RINT1: variants seen among roughly 807,000 people sequenced by gnomAD.
The protein encoded by RINT1 is RAD50 interactor 1.
RINT1 carries 75 observed loss-of-function variants against 97.7 expected under a neutral mutation model. The observed-to-expected ratio is 0.77, with a 90% confidence interval of 0.64 to 0.93. The LOEUF (loss-of-function observed/expected upper bound fraction) is 0.93. Ranked by LOEUF, RINT1 falls within the 40% of genes least tolerant of loss-of-function variation. The pLI is 0.00. For synonymous variants in RINT1, 303 were observed against 326.3 expected (o/e 0.93, Z 0.77); for missense variants, 892 against 925.2 (o/e 0.96, Z 0.47).
chr7:105,547,215 TG>T lies in RINT1; in HGVS notation c.723del (p.Trp241CysfsTer14), dbSNP rs1219048014. 1 of 1,614,064 alleles carries T rather than the reference TG, an allele frequency of 6.2e-7. No individual in the cohort carries two copies. The highest frequency in any genetic ancestry group is 1.3e-5 in the African/African-American group (1 of 74,920). On this transcript the variant is annotated frameshift_variant, in exon 6 of 15. Transcript: ENST00000257700. LOFTEE classifies it high-confidence loss of function. The stretch of plus-strand genomic sequence containing the variant: ...TGAGGAAATTTTAGCACAGCTTCAT[TG>T]GCCATTCATCGCACCCCCTCAATCA... ...DFEEILAQLHWPFIAPPQSQT... is the reference protein window; with the variant it reads ...DFEEILAQLHXPFIAPPQSQT...
At chr7:105,535,264 CTG>C (rs906429238) in intron 2 of RINT1, among the ~76,000 whole-genome samples, 2 of 141,034 alleles carry the variant, frequency 1.4e-5, no homozygotes, top group Non-Finnish European at 3.0e-5. Flanking sequence ...GAGTCTCACT[CTG>C]TTGCCCAGGC....
At chr7:105,566,639 CA>C (rs965560966) in intron 14 of RINT1, 38 of 139,980 alleles carry the variant, frequency 2.7e-4, no homozygotes, top group South Asian at 1.1e-3. Flanking sequence ...GACCATGTCT[CA>C]AAAAAAAAAA....
At chr7:105,551,535 A>G (rs751685456) in intron 9 of RINT1, 35 bp from the exon 10 acceptor site, 1 of 1,538,222 alleles carries the variant, frequency 6.5e-7, no homozygotes, top group East Asian at 2.3e-5. Context: ...GACTGTAACT[A>G]CTTAATTGAC....
At chr7:105,558,042 T>C (rs1791261176) in intron 11 of RINT1, among the ~76,000 whole-genome samples, 1 of 152,144 alleles carries the variant, frequency 6.6e-6, no homozygotes, top group South Asian at 2.1e-4. Flanking sequence ...AGTCTGGGTG[T>C]GGTGGCTCAT....
At chr7:105,543,184 C>T (rs1030335135) in intron 4 of RINT1, among the ~76,000 whole-genome samples, 1 of 152,118 alleles carries the variant, frequency 6.6e-6, no homozygotes, top group Non-Finnish European at 1.5e-5. Flanking sequence ...GCTACCGCGT[C>T]CGGCCAAACT....
At chr7:105,559,679 C>T (rs907924295) in intron 11 of RINT1, among the ~76,000 whole-genome samples, 5 of 152,046 alleles carry the variant, frequency 3.3e-5, no homozygotes, top group Non-Finnish European at 5.9e-5. Flanking sequence ...AAAATTGCGC[C>T]GTTGCGCTCC....
chr7:105,532,276 G>A lies in RINT1; in HGVS notation c.-40G>A, dbSNP rs1790063065. ...GCCTTAGCCAGACTCCACAGGCCAC[G>A]CTGGCTGCGAATGGAGCCGAGGACT... On this transcript the variant is annotated 5_prime_UTR_variant, in exon 1 of 15. Coordinates refer to ENST00000257700, the MANE Select transcript of RINT1 (RefSeq NM_021930.6). The A allele has an allele frequency of 1.9e-6, 3 of 1,554,840 alleles. No individual in the cohort carries two copies. Among genetic ancestry groups the A allele is most frequent in the Admixed American group, 1.9e-5 (1 of 52,486 alleles).
intron 11 of RINT1, among the ~76,000 whole-genome samples, chr7:105,563,503 T>G (rs1327398785): frequency 6.6e-6 from 1 of 152,116 alleles, no homozygotes; most frequent in Non-Finnish European, 1.5e-5. Context: ...GGCTTATTTT[T>G]GTATTTTTAG....
At chr7:105,544,528 G>A (rs1362560133) in intron 4 of RINT1, among the ~76,000 whole-genome samples, 1 of 151,684 alleles carries the variant, frequency 6.6e-6, no homozygotes, top group Non-Finnish European at 1.5e-5. Context: ...TCCACCTCCC[G>A]GGTTCAAGCG....
chr7:105,566,232 T>A (rs1207475222), intron 14 of RINT1: 3 of 149,544 alleles, frequency 2.0e-5, no homozygotes, highest in African/African-American at 7.5e-5. Flanking sequence ...GAGCCAAGAC[T>A]GTCTCAAAAA....
intron 10 of RINT1, among the ~76,000 whole-genome samples, chr7:105,552,320 T>C (rs949485221): frequency 1.8e-4 from 28 of 152,192 alleles, no homozygotes; most frequent in African/African-American, 6.3e-4. Flanking sequence ...CTTCAGTAAA[T>C]GGTGATTGGC....
intron 10 of RINT1, 129 bp downstream of exon 10, chr7:105,551,836 C>G: frequency 1.5e-6 from 1 of 657,950 alleles, no homozygotes; most frequent in Non-Finnish European, 2.3e-6. Flanking sequence ...GAGGCTGAGA[C>G]GGGCAGGTTG....
chr7:105,544,022 C>T (rs781618572), intron 4 of RINT1, among the ~76,000 whole-genome samples: 8 of 151,600 alleles, frequency 5.3e-5, no homozygotes, highest in African/African-American at 9.7e-5. Context: ...ATTGCTTGGA[C>T]TCGGGAGGCA....
At chr7:105,557,508 G>A (rs1004428447) in intron 11 of RINT1, among the ~76,000 whole-genome samples, 1 of 151,956 alleles carries the variant, frequency 6.6e-6, no homozygotes, top group Non-Finnish European at 1.5e-5. Context: ...TTCAAACATG[G>A]ACATGTAAAA....
intron 3 of RINT1, 43 bp from the exon 4 acceptor site, chr7:105,542,365 T>C (rs1237912359): frequency 6.9e-7 from 1 of 1,451,926 alleles, no homozygotes; most frequent in East Asian, 2.3e-5. Flanking sequence ...TTTATCTGAT[T>C]GCTGCTGTTC....
At chr7:105,553,194 AAAG>A (rs142028204) in intron 10 of RINT1, among the ~76,000 whole-genome samples, 4,241 of 151,804 alleles carry the variant, frequency 0.028, 190 homozygotes, top group African/African-American at 0.097. Context: ...GGAGTATTTC[AAAG>A]AAAATTTCAG....
chr7:105,562,767 C>T (rs1454365574), intron 11 of RINT1, among the ~76,000 whole-genome samples: 2 of 152,010 alleles, frequency 1.3e-5, no homozygotes, highest in Non-Finnish European at 2.9e-5. Flanking sequence ...GCCAGGTGTG[C>T]TGGCACACGC....
chr7:105,540,079 C>CTTTT (rs769840794), intron 3 of RINT1, among the ~76,000 whole-genome samples: 1 of 135,936 alleles, frequency 7.4e-6, no homozygotes, highest in African/African-American at 2.7e-5. Flanking sequence ...ATGCCATTTT[C>CTTTT]TTTTTTTTTT....
chr7:105,541,155 T>C (rs1408001479), intron 3 of RINT1, among the ~76,000 whole-genome samples: 3 of 150,918 alleles, frequency 2.0e-5, no homozygotes, highest in African/African-American at 7.3e-5. Context: ...TTTTTTTTCT[T>C]CTTTGAGGAG....
Sources: allele counts gnomAD v4.1 joint callset (sites outside exome capture counted in the v4.1 genomes callset), GRCh38; gene constraint gnomAD v4.1.1; transcripts MANE v1.5; gene names NCBI Gene and HGNC (gene_info 2026-07-23, HGNC 2026-07-21).